Variants in OTOGL observed in about 807,000 individuals in gnomAD.
The protein encoded by OTOGL is otogelin like.
Under a neutral mutation model 318.5 loss-of-function variants are expected in OTOGL, and 285 were observed. The ratio of observed to expected loss-of-function variants is 0.89; its 90% CI spans 0.81 to 0.99. The LOEUF (loss-of-function observed/expected upper bound fraction) is 0.99. Among genes scored for constraint, OTOGL ranks in the 50% least tolerant of loss-of-function variants. The pLI, the probability that OTOGL is intolerant of heterozygous loss-of-function variation, is 0.00. For missense variants in OTOGL, 2,899 were observed against 2,845.6 expected (o/e 1.02, Z -0.43); for synonymous variants, 987 against 936.5 (o/e 1.05, Z -0.99).
chr12:80,208,917 A>G (rs896485041), intron 1 of OTOGL, among the ~76,000 whole-genome samples: 5 of 152,202 alleles, frequency 3.3e-5, no homozygotes, highest in Non-Finnish European at 7.3e-5. Context: ...TAATTCCTAA[A>G]GAAAACTTTT....
At chr12:80,108,850 ATATATATGTGTATATATATGTG>A (rs1399698341) in intron 1 of OTOGL, among the ~76,000 whole-genome samples, 13 of 140,740 alleles carry the variant, frequency 9.2e-5, no homozygotes, top group East Asian at 4.0e-4. Context: ...ATATATGTGT[ATATATATGTGTATATATATGTG>A]TATATATGTG....
intron 1 of OTOGL, among the ~76,000 whole-genome samples, chr12:80,131,465 C>T (rs1313147601): frequency 6.6e-6 from 1 of 152,160 alleles, no homozygotes; most frequent in East Asian, 1.9e-4. Context: ...ACTTTGCACA[C>T]AGCCTGTACA....
chr12:80,158,685 A>G (rs1419856799), intron 1 of OTOGL, among the ~76,000 whole-genome samples: 1 of 152,078 alleles, frequency 6.6e-6, no homozygotes, highest in Non-Finnish European at 1.5e-5. Flanking sequence ...TTAATTTTGT[A>G]TCCTGAAACT....
intron 1 of OTOGL, among the ~76,000 whole-genome samples, chr12:80,198,530 G>A (rs900599711): frequency 3.3e-5 from 5 of 152,150 alleles, no homozygotes; most frequent in African/African-American, 1.2e-4. Flanking sequence ...GCTGCAGTGA[G>A]CCGAGATCAT....
rs1016185791 is a variant in OTOGL at position 80,108,858 on chromosome 12, G to A, written c.-20+9253G>A. ...ATTGTATATATATGTGTATATATATGTGTATATATATGTGTATATATGTGT... is the reference window on the plus strand; with the variant it reads ...ATTGTATATATATGTGTATATATATATGTATATATATGTGTATATATGTGT... On this transcript the variant is annotated intron_variant, in intron 1 of 58. Coordinates refer to ENST00000547103, the MANE Select transcript of OTOGL (RefSeq NM_001378609.3). Among the ~76,000 whole-genome samples, 134 of 92,712 alleles carry A rather than the reference G, an allele frequency of 1.4e-3. 1 individual carries two copies. Among genetic ancestry groups the A allele is most frequent in the African/African-American group, 4.8e-3 (106 of 22,002 alleles). The allele number at this position is 92,712 out of a possible 152,430, so 60.8% of individuals were successfully genotyped here. A position where few individuals can be genotyped will look rare whatever the true frequency, so the allele number is the denominator to read the frequency against.
chr12:80,117,567 C>T (rs1380097094), intron 1 of OTOGL, among the ~76,000 whole-genome samples: 5 of 152,180 alleles, frequency 3.3e-5, no homozygotes, highest in Non-Finnish European at 7.3e-5. Flanking sequence ...TCCGTACCTC[C>T]TGCCTCTCCT....
Position 80,292,846 on chromosome 12 carries a change from C to T in OTOGL, c.2929-3981C>T, listed in dbSNP as rs538903314. Among the ~76,000 whole-genome samples, 9 of 152,232 alleles carry T rather than the reference C, an allele frequency of 5.9e-5. No homozygotes were observed. In the East Asian group the frequency reaches 1.2e-3, roughly 20 times the overall value. On this transcript the variant is annotated intron_variant, in intron 26 of 58. Transcript: ENST00000547103. ...TAAAAATAACTCAAAGAAAGTTAAA[C>T]ACCATTTCATATTTGACAATGATTC...
chr12:80,202,559 C>T (rs1289970153), intron 1 of OTOGL, among the ~76,000 whole-genome samples: 2 of 152,190 alleles, frequency 1.3e-5, no homozygotes, highest in African/African-American at 4.8e-5. Flanking sequence ...AGGCCTGAGC[C>T]ACCGCGCCCA....
intron 1 of OTOGL, among the ~76,000 whole-genome samples, chr12:80,148,956 T>TA (rs919848520): frequency 2.2e-4 from 34 of 152,256 alleles, no homozygotes; most frequent in African/African-American, 6.0e-4. Context: ...TACATTATTC[T>TA]AATTTTTTTT....
At chr12:80,235,371 A>G (rs1879743783) in intron 9 of OTOGL, among the ~76,000 whole-genome samples, 1 of 150,310 alleles carries the variant, frequency 6.7e-6, no homozygotes, top group South Asian at 2.1e-4. Flanking sequence ...ATGCTGAGGC[A>G]GGAGAATTGC....
At chr12:80,337,377 C>T (rs1436166805) in intron 42 of OTOGL, among the ~76,000 whole-genome samples, 1 of 151,788 alleles carries the variant, frequency 6.6e-6, no homozygotes. Context: ...GCCAAGAACA[C>T]CGGAATAAAG....
intron 44 of OTOGL, among the ~76,000 whole-genome samples, chr12:80,345,168 A>G (rs1889107650): frequency 7.2e-6 from 1 of 138,728 alleles, no homozygotes; most frequent in South Asian, 2.1e-4. Flanking sequence ...ATATTATGAT[A>G]TATAATATAT....
At chr12:80,215,089 A>G (rs1010266580) in intron 4 of OTOGL, among the ~76,000 whole-genome samples, 1 of 151,564 alleles carries the variant, frequency 6.6e-6, no homozygotes, top group African/African-American at 2.4e-5. Context: ...AACAAATTAT[A>G]TATTTTTATC....
chr12:80,294,291 T>C (rs1565960983), intron 26 of OTOGL, among the ~76,000 whole-genome samples: 1 of 151,976 alleles, frequency 6.6e-6, no homozygotes, highest in Non-Finnish European at 1.5e-5. Flanking sequence ...CAAGATAGAA[T>C]ATTTCTTGAC....
At position 80,332,978 on chromosome 12, in the gene OTOGL, TGAG is replaced by T. The variant is rs1307534683; in HGVS notation, c.4349-24_4349-22del. ...ATGCAAGATAAATGCATTCCACTAA[TGAG>T]GATTACTTTTTCATTTCTGACAGTT... On this transcript the variant is annotated intron_variant, in intron 37 of 58. Transcript: ENST00000547103. 3 of 1,538,398 alleles carry T rather than the reference TGAG, an allele frequency of 2.0e-6. No individual in the cohort carries two copies. The African/African-American group carries it at 4.1e-5, about 21-fold the overall frequency.
At chr12:80,210,473 C>T (rs1877163790) in intron 2 of OTOGL, among the ~76,000 whole-genome samples, 1 of 152,160 alleles carries the variant, frequency 6.6e-6, no homozygotes, top group Admixed American at 6.5e-5. Flanking sequence ...ATCTTGAGAG[C>T]TGAGGAGACT....
intron 34 of OTOGL, among the ~76,000 whole-genome samples, chr12:80,321,021 T>C (rs1362723193): frequency 6.6e-6 from 1 of 152,180 alleles, no homozygotes; most frequent in Admixed American, 6.5e-5. Flanking sequence ...GAATCAGGGC[T>C]CACTCATGTG....
intron 22 of OTOGL, among the ~76,000 whole-genome samples, chr12:80,269,897 T>C (rs1018224542): frequency 7.9e-5 from 12 of 152,118 alleles, no homozygotes; most frequent in East Asian, 1.9e-4. Context: ...TCCACACTTA[T>C]AGGTGTTTGA....
chr12:80,336,738 G>T (rs548905565), intron 40 of OTOGL, 59 bp from the exon 41 acceptor site: 15 of 1,451,894 alleles, frequency 1.0e-5, no homozygotes, highest in African/African-American at 1.4e-5. Context: ...ATATAAATCC[G>T]AATAATGTTT....
Sources: gnomAD v4.1 joint callset for allele counts (sites outside exome capture counted in the v4.1 genomes callset) on GRCh38, gnomAD v4.1.1 for gene constraint, MANE v1.5 for transcripts, NCBI Gene and HGNC (gene_info 2026-07-23, HGNC 2026-07-21) for gene names.